The following THSD1 variants were observed in gnomAD, a reference collection of about 807,000 sequenced individuals.
THSD1 encodes the protein thrombospondin type 1 domain containing 1, also known as thrombospondin type-1 domain-containing protein 1.
Under a neutral mutation model 46.3 loss-of-function variants are expected in THSD1, and 34 were observed. The observed-to-expected ratio is 0.74, with a 90% CI of 0.56 to 0.98. THSD1 has a LOEUF of 0.98. Ranked by LOEUF, THSD1 falls within the 50% of genes least tolerant of loss-of-function variation. The pLI is 0.00. For missense variants in THSD1, 1,023 were observed against 1,058.3 expected (o/e 0.97, Z 0.46); for synonymous variants, 407 against 416.5 (o/e 0.98, Z 0.28).
intron 2 of THSD1, chr13:52,398,531 T>G (rs1957828983): frequency 1.0e-6 from 1 of 984,364 alleles, no homozygotes; most frequent in Non-Finnish European, 1.2e-6. Flanking sequence ...CATGAGCCAC[T>G]GCACCCAGCA....
At position 52,378,112 on chromosome 13, in the gene THSD1, G is replaced by C. The variant is rs1188780320; in HGVS notation, c.1858C>G (p.Pro620Ala). The C allele has an allele frequency of 2.5e-6, 4 of 1,614,078 alleles. No individual in the cohort carries two copies. In the South Asian group the frequency reaches 4.4e-5, roughly 18 times the overall value. ...GACTTGCGGATCAGAGTCTGGCTGGGGCTTATGGCACAACTGGCCTGAGTC... is the reference window on the plus strand; with the variant it reads ...GACTTGCGGATCAGAGTCTGGCTGGCGCTTATGGCACAACTGGCCTGAGTC... ...NVTQASCAIS[P>A]SQTLIRKSQA... The change falls in exon 5 of 5, where the codon CCC becomes GCC. Residue 620 changes from proline (P) to alanine (A), a missense_variant. Physicochemically the swap from Pro to Ala is conservative, Grantham distance 27. This residue lies in a region of THSD1 where 578 missense variants were observed against 497.4 expected (regional missense o/e 1.16). Transcript: ENST00000258613.
At chr13:52,384,032 G>A (rs919194456) in intron 4 of THSD1, 14 of 305,608 alleles carry the variant, frequency 4.6e-5, no homozygotes, top group Admixed American at 2.8e-4. Context: ...GAGAAACCCC[G>A]TCTCTACTGA....
In THSD1 at chr13:52,378,369, T is replaced by G. The variant is rs1957657302; in HGVS notation, c.1601A>C (p.Gln534Pro). 1 of 1,614,102 alleles carries G rather than the reference T, an allele frequency of 6.2e-7. No individual in the cohort carries two copies. Among genetic ancestry groups the G allele is most frequent in the Non-Finnish European group, 8.5e-7 (1 of 1,180,034 alleles). ...CTTTTTCATCTCCTTTAACTGCTGC[T>G]GGGCAAGGCGGTAGCTGAACAGAGG... ...IPPLFSYRLA[Q>P]QQLKEMKKKG... The change falls in exon 5 of 5, where the codon CAG (glutamine) becomes CCG (proline). Residue 534 changes from glutamine (Q) to proline (P), a missense_variant. Coordinates refer to ENST00000258613, the MANE Select transcript of THSD1 (RefSeq NM_018676.4).
At chr13:52,383,985 C>G (rs1957711124) in intron 4 of THSD1, 1 of 201,346 alleles carries the variant, frequency 5.0e-6, no homozygotes, top group Non-Finnish European at 1.0e-5. Flanking sequence ...GGCGGATCAC[C>G]TGAGGTCGGG....
intron 2 of THSD1, chr13:52,398,585 A>G: frequency 1.0e-6 from 1 of 985,412 alleles, no homozygotes; most frequent in South Asian, 4.7e-5. Context: ...TGAGCCAGGG[A>G]TGATGTAAAA....
At chr13:52,402,458 AAG>A in intron 2 of THSD1, 83 bp downstream of exon 2, 1 of 1,359,446 alleles carries the variant, frequency 7.4e-7, no homozygotes, top group Non-Finnish European at 1.0e-6. Context: ...CTCCTTCAGG[AAG>A]AGTCATCAAC....
chr13:52,397,606 G>A lies in THSD1; in HGVS notation c.647C>T (p.Thr216Ile). 6.2e-7 allele frequency: 1 copy of A among 1,614,194 alleles called. No homozygotes were observed. The highest frequency in any genetic ancestry group is 1.1e-5 in the South Asian group (1 of 91,090). ...CAPLGPEAYV[T>I]VVLKLLGRDS... Reference sequence around the variant, plus strand: ...TCGCCCAAGCAGCTTCAGCACCACGGTGACATAGGCTTCTGGCCCCAAGGG... The same window carrying A: ...TCGCCCAAGCAGCTTCAGCACCACGATGACATAGGCTTCTGGCCCCAAGGG... The change falls in exon 3 of 5, where the codon ACC becomes ATC. Residue 216 changes from threonine to isoleucine, a missense_variant. Coordinates refer to ENST00000258613, the MANE Select transcript of THSD1 (RefSeq NM_018676.4).
rs199830506 is a variant in THSD1 at position 52,378,555 on chromosome 13, C to T, written c.1415G>A (p.Ser472Asn). ...ATCCGAGAAGCTCCCGCGCTGCTCGCTCAGCTCGCAGATATTCTCCTCGTC... is the reference window on the plus strand; with the variant it reads ...ATCCGAGAAGCTCCCGCGCTGCTCGTTCAGCTCGCAGATATTCTCCTCGTC... ...NSDEENICELSEQRGSFSDGG... is the reference protein window; with the variant it reads ...NSDEENICELNEQRGSFSDGG... The change falls in exon 5 of 5, where the codon AGC becomes AAC. Residue 472 changes from serine to asparagine, a missense_variant. Ser to Asn is a conservative substitution (Grantham distance 46, BLOSUM62 1). This residue lies in a region of THSD1 where 578 missense variants were observed against 497.4 expected (regional missense o/e 1.16). Coordinates refer to ENST00000258613, the MANE Select transcript of THSD1 (RefSeq NM_018676.4). 23 of 1,614,190 alleles carry T rather than the reference C, an allele frequency of 1.4e-5. No homozygotes were observed. In the East Asian group the frequency reaches 4.9e-4, roughly 34 times the overall value.
At chr13:52,402,509 T>C (rs780022772) in intron 2 of THSD1, 34 bp downstream of exon 2, 1 of 1,597,676 alleles carries the variant, frequency 6.3e-7, no homozygotes, top group South Asian at 1.1e-5. Flanking sequence ...GTCTTATTGC[T>C]ACCAGTAGCG....
At chr13:52,395,755 G>C (rs955164063) in intron 3 of THSD1, among the ~76,000 whole-genome samples, 1 of 152,190 alleles carries the variant, frequency 6.6e-6, no homozygotes, top group African/African-American at 2.4e-5. Flanking sequence ...ACTGGGTGAA[G>C]TGTGCCTGGA....
chr13:52,396,694 G>A lies in THSD1; in HGVS notation c.1021+538C>T, dbSNP rs117836289. On this transcript the variant is annotated intron_variant, in intron 3 of 4. Transcript: ENST00000258613. The stretch of plus-strand genomic sequence containing the variant: ...CCCTGTTTCTTCATGATTAGGTGGG[G>A]CATTACATAAAGAATACAGAATCCC... Among the ~76,000 whole-genome samples, 1,486 of 152,200 alleles carry A rather than the reference G, an allele frequency of 9.8e-3. 19 individuals are homozygous for A. The highest frequency in any genetic ancestry group is 0.015 in the Non-Finnish European group (1,052 of 67,996).
Position 52,378,028 on chromosome 13 carries a change from C to T in THSD1, c.1942G>A (p.Ala648Thr), listed in dbSNP as rs914609200. 1 of 1,614,130 alleles carries T rather than the reference C, an allele frequency of 6.2e-7. No homozygotes were observed. The highest frequency in any genetic ancestry group is 8.5e-7 in the Non-Finnish European group (1 of 1,180,036). Reference protein sequence around the residue: ...GPSERSHARNAHFRRTASFHE... With the variant: ...GPSERSHARNTHFRRTASFHE... The stretch of plus-strand genomic sequence containing the variant: ...AAACTCGCTGTCCTCCTGAAATGGG[C>T]GTTCCTGGCATGGCTCCTTTCGGAC... The change falls in exon 5 of 5, where the codon GCC (alanine) becomes ACC (threonine). Residue 648 changes from alanine (A) to threonine (T), a missense_variant. This residue lies in a region of THSD1 where 578 missense variants were observed against 497.4 expected (regional missense o/e 1.16). Coordinates refer to ENST00000258613, the MANE Select transcript of THSD1 (RefSeq NM_018676.4).
At chr13:52,384,496 A>C in intron 4 of THSD1, 1 of 446,598 alleles carries the variant, frequency 2.2e-6, no homozygotes, top group Non-Finnish European at 4.5e-6. Flanking sequence ...GGCAGGCAGT[A>C]AGCTCTCAAG....
At chr13:52,384,422 C>T (rs1404450193) in intron 4 of THSD1, 5 of 455,964 alleles carry the variant, frequency 1.1e-5, no homozygotes, top group South Asian at 7.7e-5. Context: ...ACAGGGTCCT[C>T]ATCTGCAATG....
intron 3 of THSD1, among the ~76,000 whole-genome samples, chr13:52,391,527 TATATATATAATTTTAC>T (rs1396600836): frequency 1.4e-5 from 2 of 139,154 alleles, no homozygotes; most frequent in Admixed American, 1.4e-4. Context: ...CAGAAGTATA[TATATATATAATTTTAC>T]ATATATATAT....
At chr13:52,381,690 A>T (rs1264785746) in intron 4 of THSD1, among the ~76,000 whole-genome samples, 1 of 152,188 alleles carries the variant, frequency 6.6e-6, no homozygotes, top group East Asian at 1.9e-4. Flanking sequence ...GTCCAGGGGC[A>T]TCATTCCTCT....
intron 2 of THSD1, among the ~76,000 whole-genome samples, chr13:52,401,896 T>C (rs543834973): frequency 1.3e-5 from 2 of 152,348 alleles, no homozygotes; most frequent in East Asian, 1.9e-4. Context: ...GAAGATTATA[T>C]CATATTGTTG....
chr13:52,388,583 G>A (rs948274508), intron 3 of THSD1, among the ~76,000 whole-genome samples: 19 of 152,120 alleles, frequency 1.2e-4, no homozygotes, highest in Admixed American at 4.6e-4. Context: ...GGGTTCAAGC[G>A]ATTCTCCTAC....
chr13:52,391,795 G>C (rs1002411123), intron 3 of THSD1, among the ~76,000 whole-genome samples: 1 of 151,782 alleles, frequency 6.6e-6, no homozygotes, highest in Non-Finnish European at 1.5e-5. Flanking sequence ...CACCCACCTC[G>C]GCCTCTCAAA....
Sources: allele counts gnomAD v4.1 joint callset (sites outside exome capture counted in the v4.1 genomes callset), GRCh38; gene constraint gnomAD v4.1.1; regional missense constraint gnomAD v4.1.1; transcripts MANE v1.5; gene names NCBI Gene and HGNC (gene_info 2026-07-23, HGNC 2026-07-21).